Variants in HIGD1B observed in about 807,000 individuals in gnomAD.
The protein encoded by HIGD1B is HIG1 domain family member 1B.
HIGD1B carries 9 observed loss-of-function variants against 8.8 expected under a neutral mutation model. The observed-to-expected ratio is 1.02, with a 90% CI of 0.62 to 1.78. The LOEUF (loss-of-function observed/expected upper bound fraction) is 1.78. Ranked by LOEUF, HIGD1B falls within the 40% of genes most tolerant of loss-of-function variation. The pLI is 0.00. For missense variants in HIGD1B, 126 were observed against 111.8 expected, an observed-to-expected ratio of 1.13 and a Z score of -0.57; for synonymous variants, 47 against 38.8, an observed-to-expected ratio of 1.21 and a Z score of -0.78.
At chr17:44,846,064 A>G (rs6503404), upstream of HIGD1B, among the ~76,000 whole-genome samples, 100,918 of 151,988 alleles carry the variant, frequency 0.66, 34,289 homozygotes, top group African/African-American at 0.81. Context: ...CAGGCTTTCT[A>G]CTCATCCTTG....
At chr17:44,847,641 T>C (rs1158682310), upstream of HIGD1B, among the ~76,000 whole-genome samples, 2 of 152,242 alleles carry the variant, frequency 1.3e-5, no homozygotes, top group Non-Finnish European at 2.9e-5. Context: ...CATTATAATC[T>C]CTGGCAATTT....
At chr17:44,849,141 T>G in intron 1 of HIGD1B, 113 bp from the exon 2 acceptor site, 1 of 1,206,984 alleles carries the variant, frequency 8.3e-7, no homozygotes, top group Non-Finnish European at 1.2e-6. Flanking sequence ...CACCAGATGC[T>G]GCATAAAACC....
upstream of HIGD1B, among the ~76,000 whole-genome samples, chr17:44,845,760 C>T (rs181290703): frequency 3.3e-5 from 5 of 152,054 alleles, no homozygotes; most frequent in East Asian, 3.9e-4. Flanking sequence ...GGTGAAACCC[C>T]GCCTCTACTA....
intron 1 of HIGD1B, 61 bp downstream of exon 1, chr17:44,848,313 C>T: frequency 1.2e-6 from 1 of 824,450 alleles, no homozygotes; most frequent in Non-Finnish European, 2.1e-6. Flanking sequence ...TCTCCTGGTA[C>T]CCTCCAAAGA....
rs1048336577 is a variant in HIGD1B, at chr17:44,850,437, A to G, written c.*41A>G. The G allele has an allele frequency of 2.8e-6, 4 of 1,427,084 alleles. No individual in the cohort carries two copies. In the African/African-American group the frequency reaches 5.6e-5, roughly 20 times the overall value. 88.4% of individuals were successfully genotyped at this position (1,427,084 alleles called of 1,614,324 possible). A position where few individuals can be genotyped will look rare whatever the true frequency, so the allele number is the denominator to read the frequency against. ...CGGGGCTGTCCAACTCCCCTAACTC[A>G]ATCCCTGGTACATTCCTAATAAAGC... On this transcript the variant is annotated 3_prime_UTR_variant, in exon 3 of 3. Coordinates refer to ENST00000253410, the MANE Select transcript of HIGD1B (RefSeq NM_016438.4).
Position 44,848,789 on chromosome 17 carries a change from A to T in HIGD1B, c.101-465A>T, listed in dbSNP as rs188459163. Among the ~76,000 whole-genome samples, 143 of 151,842 alleles carry T rather than the reference A, an allele frequency of 9.4e-4. 1 individual carries two copies. Among genetic ancestry groups the T allele is most frequent in the Middle Eastern group, 3.4e-3 (1 of 294 alleles). On this transcript the variant is annotated intron_variant, in intron 1 of 2. Coordinates refer to ENST00000253410, the MANE Select transcript of HIGD1B (RefSeq NM_016438.4). ...GCAACAACTCAATATATATATATAT[A>T]TTTTTGAGATGGAGTTTCACTCGTT...
intron 1 of HIGD1B, among the ~76,000 whole-genome samples, chr17:44,848,868 T>G (rs1446507365): frequency 6.6e-6 from 1 of 152,076 alleles, no homozygotes; most frequent in Non-Finnish European, 1.5e-5. Flanking sequence ...CCCTGCCTCC[T>G]GGGTTCAAGT....
intron 1 of HIGD1B, 35 bp downstream of exon 1, chr17:44,848,287 G>A (rs374655724): frequency 1.2e-6 from 1 of 861,194 alleles, no homozygotes; most frequent in African/African-American, 1.6e-5. Flanking sequence ...CCGAGTAGGA[G>A]GCCTTCTCTG....
chr17:44,848,492 A>G (rs556862782), intron 1 of HIGD1B, among the ~76,000 whole-genome samples: 35 of 152,334 alleles, frequency 2.3e-4, no homozygotes, highest in South Asian at 1.0e-3. Context: ...CACCAACACC[A>G]AAGTGGGAAG....
At chr17:44,850,200 T>C in intron 2 of HIGD1B, 132 bp from the exon 3 acceptor site, 4 of 648,952 alleles carry the variant, frequency 6.2e-6, no homozygotes, top group South Asian at 3.8e-5. Flanking sequence ...TGTTGGGACC[T>C]GGGGCAGAAA....
At chr17:44,846,043 C>T (rs1389955775), upstream of HIGD1B, among the ~76,000 whole-genome samples, 1 of 152,084 alleles carries the variant, frequency 6.6e-6, no homozygotes, top group Admixed American at 6.5e-5. Flanking sequence ...GGGAGTGTAA[C>T]TTGGGGGACC....
At chr17:44,845,410 T>G (rs2050314744), upstream of HIGD1B, among the ~76,000 whole-genome samples, 1 of 151,762 alleles carries the variant, frequency 6.6e-6, no homozygotes. Context: ...TTAATCCCAG[T>G]ACTTTGGGAG....
chr17:44,849,168 G>T, intron 1 of HIGD1B, 86 bp from the exon 2 acceptor site: 37 of 1,451,872 alleles, frequency 2.5e-5, no homozygotes, highest in East Asian at 7.5e-5. Context: ...TTATCCAGAT[G>T]CCCAGCCTGC....
At chr17:44,850,274 C>A in intron 2 of HIGD1B, 58 bp from the exon 3 acceptor site, 2 of 1,430,696 alleles carry the variant, frequency 1.4e-6, no homozygotes, top group South Asian at 1.2e-5. Flanking sequence ...CGCCTGAGAG[C>A]CAGAGGACGG....
At chr17:44,846,955 A>G (rs10853009), upstream of HIGD1B, among the ~76,000 whole-genome samples, 103,256 of 151,408 alleles carry the variant, frequency 0.68, 36,349 homozygotes, top group African/African-American at 0.86. Context: ...CTATCAGGGT[A>G]AGACCCCGTC....
rs780240932 is a variant in HIGD1B, at chr17:44,849,239, G to C, written c.101-15G>C. The C allele has an allele frequency of 1.2e-6, 2 of 1,613,774 alleles. No homozygotes were observed. Among genetic ancestry groups the C allele is most frequent in the Non-Finnish European group, 1.7e-6 (2 of 1,179,836 alleles). On this transcript the variant is annotated splice_polypyrimidine_tract_variant and intron_variant, in intron 1 of 2. Coordinates refer to ENST00000253410, the MANE Select transcript of HIGD1B (RefSeq NM_016438.4). ...ATTGTGGCTGTGGCCCAGGGGCTGT[G>C]TTCTCTGCCCACAGGCTTAGGAGGC...
At position 44,849,328 on chromosome 17, in the gene HIGD1B, A is replaced by G. The variant is rs775050119; in HGVS notation, c.175A>G (p.Ile59Val). 5.0e-6 allele frequency: 8 copies of G among 1,614,140 alleles called. No homozygotes were observed. The highest frequency in any genetic ancestry group is 5.1e-6 in the Non-Finnish European group (6 of 1,180,016). Residue 59 changes from isoleucine (I) to valine (V), a missense_variant, in exon 2 of 3, where the codon ATA becomes GTA. Transcript: ENST00000253410. ...GTCTCGTGGTTCCACCAAGATGTCC[A>G]TACACCTGATTCACACCCGAGTGGC... Reference protein sequence around the residue: ...LRSRGSTKMSIHLIHTRVAAQ... With the variant: ...LRSRGSTKMSVHLIHTRVAAQ...
chr17:44,846,783 T>A (rs1162548609), upstream of HIGD1B, among the ~76,000 whole-genome samples: 47 of 121,390 alleles, frequency 3.9e-4, no homozygotes, highest in Admixed American at 1.4e-3. Flanking sequence ...AGACCCTGCC[T>A]AAAAAAAAAA....
chr17:44,849,177 G>C, intron 1 of HIGD1B, 77 bp from the exon 2 acceptor site: 1 of 1,541,706 alleles, frequency 6.5e-7, no homozygotes. Context: ...TGCCCAGCCT[G>C]CCTGGTAAGG....
Sources: allele counts gnomAD v4.1 joint callset (sites outside exome capture counted in the v4.1 genomes callset), GRCh38; gene constraint gnomAD v4.1.1; transcripts MANE v1.5; gene names NCBI Gene and HGNC (gene_info 2026-07-23, HGNC 2026-07-21).